Variants in GAS7 observed in about 807,000 individuals in gnomAD.
GAS7 encodes growth arrest specific 7.
In GAS7, 28 loss-of-function variants were observed where a neutral mutation model predicts 71.1. The observed-to-expected ratio is 0.39, with a 90% confidence interval of 0.29 to 0.54. The LOEUF is 0.54. Among genes scored for constraint, GAS7 ranks in the 20% least tolerant of loss-of-function variants. The pLI is 0.62. For missense variants in GAS7, 436 were observed against 627.8 expected, an observed-to-expected ratio of 0.69 and a Z score of 3.27; for synonymous variants, 258 against 245.8, an observed-to-expected ratio of 1.05 and a Z score of -0.46.
intron 1 of GAS7, among the ~76,000 whole-genome samples, chr17:10,033,327 C>A (rs189622405): frequency 6.6e-6 from 1 of 152,018 alleles, no homozygotes; most frequent in African/African-American, 2.4e-5. Context: ...CTTGGTATGG[C>A]CCAGAGAGAG....
chr17:10,107,395 A>G (rs1235078112), intron 1 of GAS7, among the ~76,000 whole-genome samples: 1 of 73,872 alleles, frequency 1.4e-5, no homozygotes, highest in Non-Finnish European at 2.8e-5. Flanking sequence ...GGAAACTTAC[A>G]TACAGAGTGG....
chr17:10,040,089 C>T (rs1026126611), intron 1 of GAS7, among the ~76,000 whole-genome samples: 7 of 152,308 alleles, frequency 4.6e-5, no homozygotes, highest in African/African-American at 1.7e-4. Context: ...AGGCGCTGTT[C>T]TATGCTTCAC....
intron 1 of GAS7, among the ~76,000 whole-genome samples, chr17:10,120,099 C>T (rs1597803429): frequency 6.6e-6 from 1 of 152,090 alleles, no homozygotes; most frequent in South Asian, 2.1e-4. Context: ...CATGCCTGTC[C>T]CCCTGCCCCC....
intron 1 of GAS7, among the ~76,000 whole-genome samples, chr17:10,087,417 T>C (rs1202391463): frequency 6.6e-6 from 1 of 152,202 alleles, no homozygotes; most frequent in African/African-American, 2.4e-5. Flanking sequence ...GACGATGAGC[T>C]TGTAAGCTCT....
chr17:9,987,799 G>C (rs925065582), intron 2 of GAS7, among the ~76,000 whole-genome samples: 1 of 152,178 alleles, frequency 6.6e-6, no homozygotes, highest in South Asian at 2.1e-4. Flanking sequence ...GTCACTTCCG[G>C]GCTTCATTTC....
chr17:10,144,641 T>C (rs567533157), intron 1 of GAS7, among the ~76,000 whole-genome samples: 2 of 152,232 alleles, frequency 1.3e-5, no homozygotes, highest in Admixed American at 1.3e-4. Context: ...CCTCCAGGGC[T>C]CAGGCAATCC....
intron 8 of GAS7, among the ~76,000 whole-genome samples, 164 bp from the exon 9 acceptor site, chr17:9,934,408 A>G (rs187476834): frequency 7.2e-5 from 11 of 152,026 alleles, no homozygotes; most frequent in Admixed American, 3.9e-4. Flanking sequence ...TCACGTTTCA[A>G]CTCACAGAGT....
intron 2 of GAS7, among the ~76,000 whole-genome samples, chr17:10,012,677 G>T (rs1297906818): frequency 1.3e-5 from 2 of 152,142 alleles, no homozygotes; most frequent in Non-Finnish European, 2.9e-5. Context: ...CCCTGTCGTG[G>T]TCTGAATGTT....
intron 1 of GAS7, among the ~76,000 whole-genome samples, chr17:10,031,579 G>A (rs552662479): frequency 2.0e-5 from 3 of 152,298 alleles, no homozygotes; most frequent in South Asian, 2.1e-4. Flanking sequence ...TGCCTTCCAC[G>A]TGGGCCTTGC....
chr17:10,159,038 C>T (rs1205885786), intron 1 of GAS7, among the ~76,000 whole-genome samples: 1 of 91,246 alleles, frequency 1.1e-5, no homozygotes, highest in Non-Finnish European at 2.1e-5. Context: ...CCAGCGTGGA[C>T]AACAGAGTGA....
chr17:10,039,184 G>A (rs2072814631), intron 1 of GAS7, among the ~76,000 whole-genome samples: 1 of 151,234 alleles, frequency 6.6e-6, no homozygotes. Context: ...ATTTAAAACT[G>A]ATGGAGATGG....
chr17:10,041,968 T>C (rs1037823635), intron 1 of GAS7, among the ~76,000 whole-genome samples: 9 of 152,168 alleles, frequency 5.9e-5, no homozygotes, highest in Non-Finnish European at 1.3e-4. Context: ...CTGTAGGCCC[T>C]TGTCCTCTGT....
chr17:9,967,846 G>A (rs566595473), intron 4 of GAS7, among the ~76,000 whole-genome samples: 192 of 152,234 alleles, frequency 1.3e-3, no homozygotes, highest in Middle Eastern at 6.8e-3. Context: ...GATACCCCAA[G>A]AACAGACACT....
At chr17:10,000,796 C>T (rs1357826369) in intron 2 of GAS7, among the ~76,000 whole-genome samples, 2 of 152,212 alleles carry the variant, frequency 1.3e-5, no homozygotes, top group East Asian at 3.8e-4. Context: ...CTTCCCAAGG[C>T]TTTGCGTCTG....
intron 1 of GAS7, among the ~76,000 whole-genome samples, chr17:10,025,075 T>G (rs2072415315): frequency 6.6e-6 from 1 of 152,074 alleles, no homozygotes; most frequent in Non-Finnish European, 1.5e-5. Flanking sequence ...ACTTGCCCAG[T>G]GTGGCACGGT....
intron 1 of GAS7, among the ~76,000 whole-genome samples, chr17:10,081,499 C>T (rs184837791): frequency 4.6e-5 from 7 of 152,062 alleles, no homozygotes; most frequent in Admixed American, 2.0e-4. Context: ...CTAAAGTAAT[C>T]GATTAATAAA....
At position 9,911,345 on chromosome 17, in the gene GAS7, AG is replaced by A. The variant is rs1276531915; in HGVS notation, c.*5882del. ...CCCCTGCATAGCAGGCTTTCCCTCTAGGTCTCCCAGTCACCCCACCCCGAGA... is the reference window on the plus strand; with the variant it reads ...CCCCTGCATAGCAGGCTTTCCCTCTAGTCTCCCAGTCACCCCACCCCGAGA... On this transcript the variant is annotated 3_prime_UTR_variant, in exon 14 of 14. Coordinates refer to ENST00000432992, the MANE Select transcript of GAS7 (RefSeq NM_201433.2). This position sits in a 1 kb window ranked among gnomAD's most constrained non-coding sequence, Gnocchi z 4.0. 8.6e-6 allele frequency: 2 copies of A among 233,372 alleles called. No homozygotes were observed. Among genetic ancestry groups the A allele is most frequent in the Non-Finnish European group, 1.7e-5 (2 of 118,206 alleles). The allele number at this position is 233,372 out of a possible 1,614,324, so 14.5% of individuals were successfully genotyped here. A position where few individuals can be genotyped will look rare whatever the true frequency, so the allele number is the denominator to read the frequency against.
intron 1 of GAS7, among the ~76,000 whole-genome samples, chr17:10,172,302 T>C (rs1241068458): frequency 2.0e-5 from 3 of 152,258 alleles, no homozygotes; most frequent in East Asian, 3.9e-4. Flanking sequence ...CACCAGCCAG[T>C]GCAGCTAACC....
At position 9,969,561 on chromosome 17, in the gene GAS7, A is replaced by G. The variant is rs1415244402; in HGVS notation, c.471+116T>C. On this transcript the variant is annotated intron_variant, in intron 4 of 13. Coordinates refer to ENST00000432992, the MANE Select transcript of GAS7 (RefSeq NM_201433.2). The surrounding 1 kb of genome is among the most constrained non-coding windows in gnomAD (Gnocchi z 5.5). Reference sequence around the variant, plus strand: ...AACCCAGACACAGCAACCACTTTCTACCTGGGGGCAGAACTGGGCTGCAGC... The same window carrying G: ...AACCCAGACACAGCAACCACTTTCTGCCTGGGGGCAGAACTGGGCTGCAGC... The G allele has an allele frequency of 1.3e-5, 9 of 669,270 alleles. No homozygotes were observed. Among genetic ancestry groups the G allele is most frequent in the South Asian group, 1.0e-4 (6 of 57,162 alleles). 41.5% of individuals were successfully genotyped at this position (669,270 alleles called of 1,614,324 possible).
Sources: allele counts gnomAD v4.1 joint callset (sites outside exome capture counted in the v4.1 genomes callset), GRCh38; gene constraint gnomAD v4.1.1; non-coding constraint Gnocchi (gnomAD v3.1); transcripts MANE v1.5; gene names NCBI Gene and HGNC (gene_info 2026-07-23, HGNC 2026-07-21).